The following VPS13A variants were observed in gnomAD, a reference collection of about 807,000 sequenced individuals.
The protein encoded by VPS13A is vacuolar protein sorting 13 homolog A, also known as intermembrane lipid transfer protein VPS13A.
In VPS13A, 264 loss-of-function variants were observed where a neutral mutation model predicts 390.9. The observed-to-expected ratio is 0.68, with a 90% CI of 0.61 to 0.75. The LOEUF is 0.75. VPS13A is among the 30% of genes least tolerant of loss of function. VPS13A has a pLI of 0.00. For missense variants in VPS13A, 3,409 were observed against 3,733.9 expected (o/e 0.91, Z 2.27); for synonymous variants, 1,231 against 1,227.1 (o/e 1.00, Z -0.07).
chr9:77,339,482 A>T, intron 47 of VPS13A, 34 bp from the exon 48 acceptor site: 1 of 1,463,724 alleles, frequency 6.8e-7, no homozygotes, highest in South Asian at 1.3e-5. Flanking sequence ...GCAACATTTT[A>T]AATTTTGTTT....
At chr9:77,182,553 TG>T (rs1460627810) in intron 1 of VPS13A, among the ~76,000 whole-genome samples, 1 of 152,180 alleles carries the variant, frequency 6.6e-6, no homozygotes, top group Non-Finnish European at 1.5e-5. Context: ...GATGCACAGT[TG>T]GGTACATTTT....
At position 77,419,258 on chromosome 9, in the gene VPS13A, A is replaced by G. The variant is rs1353050249; in HGVS notation, c.*3252A>G. 1 of 152,242 alleles carries G rather than the reference A, an allele frequency of 6.6e-6. No individual in the cohort carries two copies. Among genetic ancestry groups the G allele is most frequent in the East Asian group, 1.9e-4 (1 of 5,194 alleles). 9.4% of individuals were successfully genotyped at this position (152,242 alleles called of 1,614,324 possible). A position where few individuals can be genotyped will look rare whatever the true frequency, so the allele number is the denominator to read the frequency against. ...GAAATCAACTTAACAGCTCAAGACC[A>G]GTATATTTTAAACGTGAAATAATAA... On this transcript the variant is annotated 3_prime_UTR_variant, in exon 72 of 72. Transcript: ENST00000360280.
Position 77,281,898 on chromosome 9 carries a change from C to T in VPS13A, c.2936C>T (p.Thr979Ile). Residue 979 changes from threonine (T) to isoleucine (I), a missense_variant, in exon 28 of 72, where the codon ACC becomes ATC. Physicochemically the swap from Thr to Ile is moderately conservative, Grantham distance 89. Coordinates refer to ENST00000360280, the MANE Select transcript of VPS13A (RefSeq NM_033305.3). ...AAGAATGTACCCGACTTGAAAAGTA[C>T]CTATAACAATGTTTTACAATTGATT... ...AEKNVPDLKS[T>I]YNNVLQLIKV... The T allele has an allele frequency of 6.2e-7, 1 of 1,603,000 alleles. No individual in the cohort carries two copies. The highest frequency in any genetic ancestry group is 8.5e-7 in the Non-Finnish European group (1 of 1,171,278).
intron 53 of VPS13A, 59 bp downstream of exon 53, chr9:77,351,505 C>T (rs1295575539): frequency 4.0e-5 from 63 of 1,591,508 alleles, no homozygotes; most frequent in South Asian, 1.7e-4. Context: ...GTATTTGGGC[C>T]GGGTGCGGTG....
chr9:77,306,414 TTGTGTGTGTGTGTGTGTG>T (rs60382346), intron 34 of VPS13A, among the ~76,000 whole-genome samples: 1 of 140,782 alleles, frequency 7.1e-6, no homozygotes, highest in African/African-American at 2.7e-5. Context: ...GTGTGTGTGT[TTGTGTGTGTGTGTGTGTG>T]TGTGTGTGTG....
chr9:77,260,278 GTATT>G (rs1433767183), intron 23 of VPS13A, 54 bp downstream of exon 23: 2 of 1,507,576 alleles, frequency 1.3e-6, no homozygotes, highest in African/African-American at 2.8e-5. Context: ...TCCACAAATA[GTATT>G]TCAAACAATC....
chr9:77,308,199 CCT>C, intron 35 of VPS13A, 101 bp downstream of exon 35: 5 of 1,224,060 alleles, frequency 4.1e-6, no homozygotes, highest in South Asian at 3.8e-5. Flanking sequence ...TCCTTCCTCC[CCT>C]CTTTCTCCCT....
At chr9:77,257,211 C>T (rs1173785178) in intron 22 of VPS13A, among the ~76,000 whole-genome samples, 2 of 151,964 alleles carry the variant, frequency 1.3e-5, no homozygotes, top group Non-Finnish European at 2.9e-5. Flanking sequence ...ATAATATCCT[C>T]AAGTTATAAC....
At chr9:77,182,472 C>T (rs1343696741) in intron 1 of VPS13A, among the ~76,000 whole-genome samples, 1 of 152,154 alleles carries the variant, frequency 6.6e-6, no homozygotes, top group East Asian at 1.9e-4. Flanking sequence ...AACCTGCCCC[C>T]AGAGATTATA....
chr9:77,363,903 G>A (rs72746092), intron 59 of VPS13A, among the ~76,000 whole-genome samples: 11,453 of 152,148 alleles, frequency 0.075, 543 homozygotes, highest in Middle Eastern at 0.11. Flanking sequence ...TGAAGCTGGC[G>A]GTGGGAACAG....
chr9:77,231,040 A>G (rs1823802000), intron 17 of VPS13A, among the ~76,000 whole-genome samples: 1 of 152,152 alleles, frequency 6.6e-6, no homozygotes, highest in Admixed American at 6.5e-5. Flanking sequence ...TTGGATTATT[A>G]TGTGTATAGA....
intron 19 of VPS13A, 81 bp from the exon 20 acceptor site, chr9:77,247,177 TA>T: frequency 8.7e-7 from 1 of 1,152,384 alleles, no homozygotes; most frequent in Non-Finnish European, 1.2e-6. Context: ...AAGATTGTTT[TA>T]TCAGTTCATA....
intron 1 of VPS13A, among the ~76,000 whole-genome samples, chr9:77,190,692 A>G (rs962883852): frequency 1.3e-5 from 2 of 152,188 alleles, no homozygotes; most frequent in Non-Finnish European, 2.9e-5. Context: ...GAATTTGGTT[A>G]TGAATCCATC....
intron 67 of VPS13A, among the ~76,000 whole-genome samples, chr9:77,373,553 T>C (rs1311370309): frequency 7.0e-6 from 1 of 142,910 alleles, no homozygotes; most frequent in Non-Finnish European, 1.5e-5. Flanking sequence ...ACCTAGGCAT[T>C]ACCATTCAGG....
chr9:77,348,527 G>A (rs1304371729), intron 52 of VPS13A, among the ~76,000 whole-genome samples: 4 of 152,038 alleles, frequency 2.6e-5, no homozygotes, highest in African/African-American at 9.7e-5. Flanking sequence ...TAATACTTAG[G>A]TGTAGGTTGG....
At chr9:77,260,017 C>CT in intron 22 of VPS13A, 69 bp from the exon 23 acceptor site, 1 of 1,035,310 alleles carries the variant, frequency 9.7e-7, no homozygotes, top group Non-Finnish European at 1.4e-6. Flanking sequence ...TGAGAACAGT[C>CT]TTTTTAATTA....
chr9:77,207,969 A>T (rs1037278033), intron 5 of VPS13A, among the ~76,000 whole-genome samples: 1 of 152,136 alleles, frequency 6.6e-6, no homozygotes, highest in Non-Finnish European at 1.5e-5. Context: ...AGTTGGTTTT[A>T]TTCAGGATTG....
intron 1 of VPS13A, among the ~76,000 whole-genome samples, chr9:77,178,440 A>C (rs1266565328): frequency 6.6e-6 from 1 of 152,224 alleles, no homozygotes; most frequent in Non-Finnish European, 1.5e-5. Flanking sequence ...TCAAGTGCAA[A>C]GTAACTCAAA....
intron 68 of VPS13A, among the ~76,000 whole-genome samples, chr9:77,389,265 ACCTAGTCTTTATTTATGGAGCAC>A (rs1833811521): frequency 6.6e-6 from 1 of 151,840 alleles, no homozygotes; most frequent in African/African-American, 2.4e-5. Context: ...TAATTGGGAA[ACCTAGTCTTTATTTATGGAGCAC>A]ATAAAGAGTA....
Sources: gnomAD v4.1 joint callset for allele counts (sites outside exome capture counted in the v4.1 genomes callset) on GRCh38, gnomAD v4.1.1 for gene constraint, MANE v1.5 for transcripts, NCBI Gene and HGNC (gene_info 2026-07-23, HGNC 2026-07-21) for gene names.